The following KCNH1 variants were observed in gnomAD, a reference collection of about 807,000 sequenced individuals.
KCNH1 encodes the protein voltage-gated delayed rectifier potassium channel KCNH1.
KCNH1 carries 27 observed loss-of-function variants against 69.2 expected under a neutral mutation model. The observed-to-expected ratio is 0.39, with a 90% confidence interval of 0.29 to 0.54. The LOEUF (loss-of-function observed/expected upper bound fraction) is 0.54, where lower values mean the gene tolerates loss of function less well. KCNH1 is among the 20% of genes least tolerant of loss of function. The probability of loss-of-function intolerance (pLI) is 0.68; values close to 1 mark genes in which losing one functional copy is unlikely to be tolerated. For missense variants in KCNH1, 798 were observed against 1,261.6 expected (o/e 0.63, Z 5.57); for synonymous variants, 456 against 487.7 (o/e 0.93, Z 0.86).
chr1:210,798,675 T>C (rs1397482339), intron 8 of KCNH1, among the ~76,000 whole-genome samples: 1 of 152,166 alleles, frequency 6.6e-6, no homozygotes, highest in African/African-American at 2.4e-5. Context: ...GTCAAGAGTC[T>C]AGTCAAGGAA....
chr1:210,893,757 C>T (rs761158128), intron 7 of KCNH1, among the ~76,000 whole-genome samples: 1 of 152,066 alleles, frequency 6.6e-6, no homozygotes, highest in Non-Finnish European at 1.5e-5. Context: ...TGTGTCATAG[C>T]TCTTCGAAGC....
In KCNH1 at chr1:210,995,609, C is replaced by A. The variant is rs147127293; in HGVS notation, c.1032+23174G>T. ...ATTTATCATATACTACCAAATACCC[C>A]TAAACAGAATTGGGCAGCACCCTGT... On this transcript the variant is annotated intron_variant, in intron 6 of 10. Transcript: ENST00000271751. 3.3e-3 allele frequency among the ~76,000 whole-genome samples: 510 copies of A among 152,274 alleles called. 1 individual carries two copies. The highest frequency in any genetic ancestry group is 0.012 in the African/African-American group (483 of 41,544).
chr1:210,778,323 G>C (rs1351698499), intron 9 of KCNH1, among the ~76,000 whole-genome samples: 1 of 152,148 alleles, frequency 6.6e-6, no homozygotes, highest in African/African-American at 2.4e-5. Flanking sequence ...CATGGAGCTT[G>C]AGACCAGCCT....
intron 5 of KCNH1, among the ~76,000 whole-genome samples, chr1:211,030,311 A>G (rs185182193): frequency 2.6e-5 from 4 of 152,216 alleles, no homozygotes; most frequent in African/African-American, 9.6e-5. Context: ...ATACTTCAAT[A>G]AAGCTGTTTT....
intron 7 of KCNH1, among the ~76,000 whole-genome samples, chr1:210,879,023 T>C (rs1032531342): frequency 2.6e-5 from 4 of 152,000 alleles, no homozygotes; most frequent in African/African-American, 9.7e-5. Flanking sequence ...ATAAATTTGA[T>C]AATCTAGATG....
At chr1:210,969,399 C>T (rs4951695) in intron 6 of KCNH1, among the ~76,000 whole-genome samples, 44,769 of 151,780 alleles carry the variant, frequency 0.29, 7,733 homozygotes, top group East Asian at 0.46. Flanking sequence ...TTTGGTAGCA[C>T]TCATCTATAA....
At chr1:210,745,642 G>A (rs1311113957) in intron 10 of KCNH1, among the ~76,000 whole-genome samples, 1 of 152,134 alleles carries the variant, frequency 6.6e-6, no homozygotes, top group African/African-American at 2.4e-5. Flanking sequence ...AATCACACTG[G>A]GGAACTAGCT....
intron 5 of KCNH1, among the ~76,000 whole-genome samples, chr1:211,033,527 A>G (rs1275415726): frequency 1.3e-5 from 2 of 152,278 alleles, no homozygotes; most frequent in South Asian, 2.1e-4. Context: ...ATGTCCATCA[A>G]TGATAGACTG....
intron 6 of KCNH1, among the ~76,000 whole-genome samples, chr1:210,961,691 T>C (rs960366265): frequency 6.6e-6 from 1 of 151,926 alleles, no homozygotes; most frequent in Non-Finnish European, 1.5e-5. Context: ...AAATAAAAAA[T>C]TAGCCAGGCA....
chr1:210,985,235 C>T (rs4345850), intron 6 of KCNH1, among the ~76,000 whole-genome samples: 105,955 of 151,936 alleles, frequency 0.7, 37,585 homozygotes, highest in African/African-American at 0.83. Context: ...AAAAACCAGC[C>T]CCTGGATTCA....
intron 9 of KCNH1, among the ~76,000 whole-genome samples, chr1:210,782,322 C>T (rs897816953): frequency 4.6e-5 from 7 of 152,030 alleles, no homozygotes; most frequent in African/African-American, 1.7e-4. Context: ...TATTTGTGTC[C>T]CCACCCCCTC....
chr1:210,738,875 T>C (rs1413316784), intron 10 of KCNH1, among the ~76,000 whole-genome samples: 1 of 152,166 alleles, frequency 6.6e-6, no homozygotes, highest in African/African-American at 2.4e-5. Context: ...CTCGATTCTA[T>C]TGTTTCTCAG....
At chr1:211,056,186 G>A (rs906597343) in intron 5 of KCNH1, among the ~76,000 whole-genome samples, 2 of 152,262 alleles carry the variant, frequency 1.3e-5, no homozygotes, top group Non-Finnish European at 1.5e-5. Flanking sequence ...TGCCCTAAAG[G>A]AGAAACTCAG....
chr1:211,084,342 G>A (rs1420187728), intron 4 of KCNH1, among the ~76,000 whole-genome samples: 4 of 151,346 alleles, frequency 2.6e-5, no homozygotes, highest in South Asian at 4.2e-4. Flanking sequence ...TTTTCAGTCA[G>A]TTGTGTATGT....
intron 7 of KCNH1, among the ~76,000 whole-genome samples, chr1:210,898,068 C>T (rs1344835250): frequency 6.6e-6 from 1 of 152,206 alleles, no homozygotes; most frequent in East Asian, 1.9e-4. Flanking sequence ...ACATTCTTTT[C>T]TCTTTCCCTG....
chr1:210,750,022 C>T (rs1014645276), intron 10 of KCNH1, among the ~76,000 whole-genome samples: 5 of 152,290 alleles, frequency 3.3e-5, no homozygotes, highest in East Asian at 3.9e-4. Context: ...GGATTACAGG[C>T]GTGAGCCGCC....
At chr1:210,903,267 G>A (rs1373731812) in intron 7 of KCNH1, among the ~76,000 whole-genome samples, 1 of 152,118 alleles carries the variant, frequency 6.6e-6, no homozygotes, top group Non-Finnish European at 1.5e-5. Flanking sequence ...AATTATATAT[G>A]TACTTGTCTG....
intron 5 of KCNH1, among the ~76,000 whole-genome samples, chr1:211,076,683 A>T (rs1262780541): frequency 1.3e-5 from 2 of 152,252 alleles, no homozygotes; most frequent in Non-Finnish European, 2.9e-5. Context: ...AAAATTCCAA[A>T]AACCTGAGAG....
At chr1:210,965,931 T>C (rs865789302) in intron 6 of KCNH1, among the ~76,000 whole-genome samples, 16 of 152,152 alleles carry the variant, frequency 1.1e-4, no homozygotes, top group Middle Eastern at 6.8e-3. Context: ...ACCAAGATAA[T>C]CCTAAGCCAA....
Sources: gnomAD v4.1 joint callset for allele counts (sites outside exome capture counted in the v4.1 genomes callset) on GRCh38, gnomAD v4.1.1 for gene constraint, MANE v1.5 for transcripts, NCBI Gene and HGNC (gene_info 2026-07-23, HGNC 2026-07-21) for gene names.